The following ACACA variants were observed in gnomAD, a reference collection of about 807,000 sequenced individuals.
ACACA encodes acetyl-CoA carboxylase 1.
A neutral mutation model predicts 296.1 loss-of-function variants in ACACA; 103 were observed. The ratio of observed to expected loss-of-function variants is 0.35; its 90% confidence interval spans 0.30 to 0.41. The LOEUF is 0.41. Ranked by LOEUF, ACACA falls within the 10% of genes least tolerant of loss-of-function variation. ACACA has a pLI of 1.00. For missense variants in ACACA, 1,554 were observed against 2,989.7 expected (o/e 0.52, Z 11.20); for synonymous variants, 953 against 1,038.6 (o/e 0.92, Z 1.58).
intron 1 of ACACA, among the ~76,000 whole-genome samples, chr17:37,357,219 G>A (rs566708155): frequency 1.8e-4 from 28 of 152,268 alleles, no homozygotes; most frequent in Non-Finnish European, 3.2e-4. Context: ...CAAGCCTGGC[G>A]TGGTGGCTCA....
intron 1 of ACACA, among the ~76,000 whole-genome samples, chr17:37,347,144 G>A (rs1340320878): frequency 6.6e-6 from 1 of 152,086 alleles, no homozygotes; most frequent in Non-Finnish European, 1.5e-5. Flanking sequence ...TTCCCATGCT[G>A]TTCTCGTGTT....
chr17:37,360,770 TTA>T (rs1244586529), intron 1 of ACACA, among the ~76,000 whole-genome samples: 1 of 152,102 alleles, frequency 6.6e-6, no homozygotes, highest in African/African-American at 2.4e-5. Flanking sequence ...TTCACAATAA[TTA>T]TATCACTAAT....
chr17:37,306,484 A>C (rs1406693867), intron 3 of ACACA, among the ~76,000 whole-genome samples: 1 of 152,106 alleles, frequency 6.6e-6, no homozygotes, highest in Non-Finnish European at 1.5e-5. Flanking sequence ...ATAACCAATC[A>C]CCTCATTAAG....
intron 54 of ACACA, among the ~76,000 whole-genome samples, chr17:37,092,039 G>C (rs928482610): frequency 9.2e-5 from 14 of 151,962 alleles, no homozygotes; most frequent in African/African-American, 2.9e-4. Context: ...TGTTATCCCA[G>C]CAATTTGGGA....
At chr17:37,146,728 GGAGA>G (rs144003287) in intron 45 of ACACA, among the ~76,000 whole-genome samples, 5 of 146,728 alleles carry the variant, frequency 3.4e-5, no homozygotes, top group African/African-American at 7.5e-5. Context: ...GAAGGAGGGG[GGAGA>G]GAGAGAGAGA....
At chr17:37,098,104 G>C in intron 52 of ACACA, 120 bp from the exon 53 acceptor site, 1 of 1,240,838 alleles carries the variant, frequency 8.1e-7, no homozygotes, top group South Asian at 1.2e-5. Flanking sequence ...CTGTGGCCTG[G>C]CTCTCCGTTG....
intron 50 of ACACA, among the ~76,000 whole-genome samples, chr17:37,116,893 C>G (rs1010194870): frequency 6.6e-6 from 1 of 152,198 alleles, no homozygotes; most frequent in African/African-American, 2.4e-5. Flanking sequence ...AATTTTAAAG[C>G]TATGCACGTG....
intron 29 of ACACA, among the ~76,000 whole-genome samples, 197 bp from the exon 30 acceptor site, chr17:37,210,687 C>A (rs962347343): frequency 7.0e-6 from 1 of 143,362 alleles, no homozygotes; most frequent in Non-Finnish European, 1.5e-5. Context: ...TACCTCACCA[C>A]ACCAGCTGTT....
chr17:37,194,286 C>A (rs938841269), intron 35 of ACACA, among the ~76,000 whole-genome samples: 1 of 151,958 alleles, frequency 6.6e-6, no homozygotes, highest in Non-Finnish European at 1.5e-5. Context: ...GCAGAGAGAC[C>A]GGGACTAGCT....
intron 1 of ACACA, among the ~76,000 whole-genome samples, chr17:37,377,030 A>G (rs528907159): frequency 6.6e-6 from 1 of 152,342 alleles, no homozygotes; most frequent in South Asian, 2.1e-4. Flanking sequence ...GTGCAGCAGT[A>G]ACGAATTTGA....
chr17:37,162,207 T>C (rs1180412195), intron 41 of ACACA, among the ~76,000 whole-genome samples, 157 bp from the exon 42 acceptor site: 1 of 152,182 alleles, frequency 6.6e-6, no homozygotes, highest in Admixed American at 6.5e-5. Context: ...ACAAAAGACA[T>C]TCTAGTATAC....
At chr17:37,220,585 T>C (rs1382668728) in intron 29 of ACACA, among the ~76,000 whole-genome samples, 1 of 152,152 alleles carries the variant, frequency 6.6e-6, no homozygotes, top group East Asian at 1.9e-4. Context: ...GAGGCAAAAA[T>C]GTACCGAGAG....
At chr17:37,365,514 T>C (rs1277204661) in intron 1 of ACACA, 1 of 985,310 alleles carries the variant, frequency 1.0e-6, no homozygotes, top group East Asian at 1.1e-4. Context: ...AAGCCTCCAG[T>C]GGGATATATA....
In ACACA at chr17:37,161,838, T is replaced by C; in HGVS notation, c.5292A>G (p.Ala1764=). 1 of 1,614,098 alleles carries C rather than the reference T, an allele frequency of 6.2e-7. No homozygotes were observed. The highest frequency in any genetic ancestry group is 8.5e-7 in the Non-Finnish European group (1 of 1,180,012). ...CATGAAACATATGGCGAATTTCTTC[T>C]GCCAGTCCGATTCTTGCTCCACTGT... ...SANSGARIGL[A]EEIRHMFHVA... is the part of the protein sequence containing the mutation. Residue 1764 remains alanine (A), a synonymous_variant, in exon 42 of 56, where the codon GCA becomes GCG. Transcript: ENST00000616317.
chr17:37,146,849 C>T (rs2075833113), intron 45 of ACACA, among the ~76,000 whole-genome samples: 2 of 137,696 alleles, frequency 1.5e-5, no homozygotes, highest in Admixed American at 7.5e-5. Context: ...AACCCCCCAA[C>T]CCCCCTTCCT....
Position 37,086,296 on chromosome 17 carries a change from G to A in ACACA, c.*1020C>T, listed in dbSNP as rs150058866. The stretch of plus-strand genomic sequence containing the variant: ...ACAGTAATCCTGGAACTAGGGAAGA[G>A]TGAGTGTGGAGGCACCATTAACCTC... On this transcript the variant is annotated 3_prime_UTR_variant, in exon 56 of 56. Transcript: ENST00000616317. The A allele has an allele frequency of 6.5e-6, 1 of 153,304 alleles. No individual in the cohort carries two copies. The highest frequency in any genetic ancestry group is 1.5e-5 in the Non-Finnish European group (1 of 68,806). The allele number at this position is 153,304 out of a possible 1,614,324, so 9.5% of individuals were successfully genotyped here. A position where few individuals can be genotyped will look rare whatever the true frequency, so the allele number is the denominator to read the frequency against.
chr17:37,347,098 C>T (rs555019296), intron 1 of ACACA, among the ~76,000 whole-genome samples: 3 of 152,198 alleles, frequency 2.0e-5, no homozygotes, highest in African/African-American at 7.2e-5. Context: ...GTGGGAGGGA[C>T]CTGGTGGGAG....
At chr17:37,302,059 C>T (rs554814862) in intron 3 of ACACA, among the ~76,000 whole-genome samples, 1 of 152,032 alleles carries the variant, frequency 6.6e-6, no homozygotes, top group African/African-American at 2.4e-5. Context: ...CCACTTACAA[C>T]CTCTGCCATC....
At chr17:37,188,219 G>T in intron 39 of ACACA, 58 bp downstream of exon 39, 1 of 1,518,482 alleles carries the variant, frequency 6.6e-7, no homozygotes, top group Non-Finnish European at 9.1e-7. Flanking sequence ...TAACAAGGAC[G>T]AGTGTCTTAT....
Sources: gnomAD v4.1 joint callset for allele counts (sites outside exome capture counted in the v4.1 genomes callset) on GRCh38, gnomAD v4.1.1 for gene constraint, MANE v1.5 for transcripts, NCBI Gene and HGNC (gene_info 2026-07-23, HGNC 2026-07-21) for gene names.